Variants in THSD7B observed in about 807,000 individuals in gnomAD.
THSD7B encodes thrombospondin type 1 domain containing 7B, also known as thrombospondin type-1 domain-containing protein 7B.
Under a neutral mutation model 213.6 loss-of-function variants are expected in THSD7B, and 138 were observed. The ratio of observed to expected loss-of-function variants is 0.65; its 90% CI spans 0.56 to 0.74. THSD7B has a LOEUF of 0.74. THSD7B is among the 30% of genes least tolerant of loss of function. THSD7B has a pLI of 0.00. For synonymous variants in THSD7B, 742 were observed against 687.0 expected (o/e 1.08, Z -1.25); for missense variants, 1,931 against 1,991.5 (o/e 0.97, Z 0.58).
chr2:136,949,774 G>A (rs928830592), intron 2 of THSD7B, among the ~76,000 whole-genome samples: 2 of 152,210 alleles, frequency 1.3e-5, no homozygotes, highest in Admixed American at 6.5e-5. Context: ...AGTGCCAGGT[G>A]TGGTGATTTC....
chr2:137,204,267 A>T (rs1404095132), intron 7 of THSD7B, among the ~76,000 whole-genome samples: 2 of 137,284 alleles, frequency 1.5e-5, no homozygotes, highest in Admixed American at 1.5e-4. Flanking sequence ...AAATATCTAC[A>T]TCAAATTCTT....
intron 15 of THSD7B, among the ~76,000 whole-genome samples, chr2:137,478,468 T>C (rs181310304): frequency 1.2e-4 from 19 of 152,344 alleles, no homozygotes; most frequent in Admixed American, 1.2e-3. Context: ...TCTCATTCAA[T>C]TGTTTTTCTG....
Position 137,259,000 on chromosome 2 carries a change from G to A in THSD7B, c.2267-13533G>A, listed in dbSNP as rs559559176. Among the ~76,000 whole-genome samples the A allele has an allele frequency of 8.5e-5, 13 of 152,216 alleles. No individual in the cohort carries two copies. In the South Asian group the frequency reaches 2.7e-3, roughly 32 times the overall value. On this transcript the variant is annotated intron_variant, in intron 10 of 27. Transcript: ENST00000409968. Reference sequence around the variant, plus strand: ...GACTTCTGGCTTCATCCATGTCCCTGCAAAGGACATTATCTCATTCCTTTT... The same window carrying A: ...GACTTCTGGCTTCATCCATGTCCCTACAAAGGACATTATCTCATTCCTTTT...
chr2:137,517,610 A>G (rs1431534840), intron 15 of THSD7B, among the ~76,000 whole-genome samples: 2 of 152,214 alleles, frequency 1.3e-5, no homozygotes, highest in Non-Finnish European at 2.9e-5. Context: ...TTGTCGAGTG[A>G]TCCAAAAGAC....
chr2:137,331,875 GC>G (rs1684518679), intron 12 of THSD7B, among the ~76,000 whole-genome samples: 1 of 152,140 alleles, frequency 6.6e-6, no homozygotes, highest in Non-Finnish European at 1.5e-5. Context: ...ATTGCCCGGG[GC>G]CGGCGGGGCC....
chr2:137,239,869 T>A (rs967538801), intron 9 of THSD7B, among the ~76,000 whole-genome samples: 4 of 152,204 alleles, frequency 2.6e-5, no homozygotes, highest in Non-Finnish European at 4.4e-5. Flanking sequence ...CAGGGTGACC[T>A]CATGGTTGAA....
At chr2:137,185,515 T>G (rs1680534551) in intron 7 of THSD7B, among the ~76,000 whole-genome samples, 1 of 152,194 alleles carries the variant, frequency 6.6e-6, no homozygotes, top group African/African-American at 2.4e-5. Context: ...TGTTCCTGCT[T>G]TAGTTCACTT....
chr2:137,391,957 G>C (rs1686037951), intron 12 of THSD7B, among the ~76,000 whole-genome samples: 1 of 152,034 alleles, frequency 6.6e-6, no homozygotes, highest in African/African-American at 2.4e-5. Context: ...ATTTTTATTT[G>C]TTTCAAAAAT....
intron 13 of THSD7B, among the ~76,000 whole-genome samples, chr2:137,408,617 C>A (rs1686581573): frequency 6.6e-6 from 1 of 152,140 alleles, no homozygotes; most frequent in Admixed American, 6.5e-5. Context: ...CTTAAAGCAG[C>A]ACAGATTTAT....
chr2:137,097,284 A>G (rs2104920969), intron 4 of THSD7B, among the ~76,000 whole-genome samples: 1 of 152,278 alleles, frequency 6.6e-6, no homozygotes. Flanking sequence ...CCTTCCTGTC[A>G]ATGCTAAGAA....
intron 1 of THSD7B, among the ~76,000 whole-genome samples, chr2:136,824,616 C>T (rs1040774196): frequency 6.6e-6 from 1 of 152,140 alleles, no homozygotes; most frequent in Non-Finnish European, 1.5e-5. Flanking sequence ...AACTCTAACA[C>T]ATGGCCTGCT....
rs1381879768 is a variant in THSD7B at position 137,364,756 on chromosome 2, A to G, written c.2501-40857A>G. 4.6e-5 allele frequency among the ~76,000 whole-genome samples: 7 copies of G among 152,232 alleles called. No individual in the cohort carries two copies. The East Asian group carries it at 1.2e-3, about 25-fold the overall frequency. ...AAATAAAAGAGGACACAAACAAATG[A>G]AAAAACATTCCATGCTCATGGATAG... is the stretch of plus-strand genomic sequence containing the variant. On this transcript the variant is annotated intron_variant, in intron 12 of 27. Coordinates refer to ENST00000409968, the MANE Select transcript of THSD7B (RefSeq NM_001316349.2).
At chr2:137,466,424 A>G (rs1460314837) in intron 15 of THSD7B, among the ~76,000 whole-genome samples, 3 of 152,190 alleles carry the variant, frequency 2.0e-5, no homozygotes, top group Non-Finnish European at 4.4e-5. Flanking sequence ...CCTGTGGCCC[A>G]GGACGGCTTT....
At chr2:137,252,732 A>C (rs201655293) in intron 10 of THSD7B, among the ~76,000 whole-genome samples, 1 of 152,248 alleles carries the variant, frequency 6.6e-6, no homozygotes, top group South Asian at 2.1e-4. Flanking sequence ...ATGCAGGAGC[A>C]TCCCTCCGGA....
At chr2:137,401,503 G>A (rs1686360246) in intron 12 of THSD7B, among the ~76,000 whole-genome samples, 1 of 152,012 alleles carries the variant, frequency 6.6e-6, no homozygotes, top group South Asian at 2.1e-4. Flanking sequence ...ACTTTTTAGT[G>A]TTTTCATTTC....
chr2:136,810,439 A>G (rs948758631), intron 1 of THSD7B, among the ~76,000 whole-genome samples: 1 of 152,196 alleles, frequency 6.6e-6, no homozygotes, highest in Non-Finnish European at 1.5e-5. Flanking sequence ...CCAGTCCCCA[A>G]ACTGCATCTG....
intron 7 of THSD7B, among the ~76,000 whole-genome samples, chr2:137,225,544 G>A (rs1681476981): frequency 6.6e-6 from 1 of 152,146 alleles, no homozygotes; most frequent in Non-Finnish European, 1.5e-5. Context: ...CTCAGACACT[G>A]GCTGTGTAAG....
chr2:136,935,270 C>G (rs1362306703), intron 2 of THSD7B, among the ~76,000 whole-genome samples: 1 of 152,124 alleles, frequency 6.6e-6, no homozygotes, highest in African/African-American at 2.4e-5. Flanking sequence ...CTTTTGAACA[C>G]TGATTTCACT....
intron 1 of THSD7B, among the ~76,000 whole-genome samples, chr2:136,875,504 A>G (rs1683513186): frequency 6.6e-6 from 1 of 152,212 alleles, no homozygotes; most frequent in Admixed American, 6.5e-5. Context: ...TTTAGGAGTA[A>G]AAGTCCAAAA....
Sources: allele counts gnomAD v4.1 joint callset (sites outside exome capture counted in the v4.1 genomes callset), GRCh38; gene constraint gnomAD v4.1.1; transcripts MANE v1.5; gene names NCBI Gene and HGNC (gene_info 2026-07-23, HGNC 2026-07-21).